Variants in PAM observed in about 807,000 individuals in gnomAD.
The protein encoded by PAM is peptidylglycine alpha-amidating monooxygenase.
PAM carries 72 observed loss-of-function variants against 122.1 expected under a neutral mutation model. The observed-to-expected ratio is 0.59, with a 90% CI of 0.49 to 0.72. The LOEUF is 0.72. Among genes scored for constraint, PAM ranks in the 30% least tolerant of loss-of-function variants. The probability of loss-of-function intolerance (pLI) is 0.00; values close to 1 mark genes in which losing one functional copy is unlikely to be tolerated. For synonymous variants in PAM, 389 were observed against 404.4 expected, an observed-to-expected ratio of 0.96 and a Z score of 0.46; for missense variants, 1,106 against 1,183.7, an observed-to-expected ratio of 0.93 and a Z score of 0.96.
chr5:102,789,433 A>G (rs1372890487), intron 1 of PAM, among the ~76,000 whole-genome samples: 1 of 152,176 alleles, frequency 6.6e-6, no homozygotes, highest in Admixed American at 6.5e-5. Context: ...TGGAATATGC[A>G]TATGATGTAA....
rs1389735498 is a variant in PAM at position 102,780,755 on chromosome 5, CTT to C, written c.-374+25409_-374+25410del. ...CCTCAGCACCTTTTTCTTTCTTTCT[CTT>C]TCTTTCTTTCTTTCTTTCTTTCTTT... On this transcript the variant is annotated intron_variant, in intron 1 of 25. Transcript: ENST00000438793. Among the ~76,000 whole-genome samples the C allele has an allele frequency of 1.2e-3, 20 of 16,328 alleles. 1 individual carries two copies. The highest frequency in any genetic ancestry group is 2.8e-3 in the African/African-American group (12 of 4,282). The allele number at this position is 16,328 out of a possible 152,430, so 10.7% of individuals were successfully genotyped here.
intron 1 of PAM, among the ~76,000 whole-genome samples, chr5:102,776,591 G>A (rs1272424690): frequency 2.0e-5 from 3 of 151,994 alleles, no homozygotes; most frequent in African/African-American, 7.2e-5. Context: ...ATTAAATAGG[G>A]AACACTTTCC....
chr5:102,883,260 A>G (rs1791889882), intron 3 of PAM, among the ~76,000 whole-genome samples: 1 of 151,726 alleles, frequency 6.6e-6, no homozygotes, highest in Admixed American at 6.6e-5. Flanking sequence ...GTGAGCAATG[A>G]TAGTGGTATT....
chr5:102,850,977 T>A (rs7704891), intron 1 of PAM, among the ~76,000 whole-genome samples: 1 of 152,090 alleles, frequency 6.6e-6, no homozygotes, highest in African/African-American at 2.4e-5. Flanking sequence ...ATTGGTAGGT[T>A]CTATTTTGGG....
intron 16 of PAM, among the ~76,000 whole-genome samples, chr5:102,991,129 A>G (rs899919587): frequency 1.3e-5 from 2 of 152,172 alleles, no homozygotes. Context: ...GTAGAAACCA[A>G]GAGAAGTTAA....
chr5:102,798,171 T>C (rs1241053767), intron 1 of PAM, among the ~76,000 whole-genome samples: 1 of 152,176 alleles, frequency 6.6e-6, no homozygotes, highest in African/African-American at 2.4e-5. Flanking sequence ...CACTCAAATT[T>C]GAACTCAGTG....
At chr5:102,803,154 GAA>G in intron 1 of PAM, among the ~76,000 whole-genome samples, 1 of 1,236 alleles carries the variant, frequency 8.1e-4, no homozygotes, top group Non-Finnish European at 2.8e-3. Flanking sequence ...AGAAAGGAAG[GAA>G]GGAAGGAAGG....
chr5:102,884,061 A>G (rs1561756702), intron 3 of PAM, among the ~76,000 whole-genome samples: 1 of 151,840 alleles, frequency 6.6e-6, no homozygotes, highest in African/African-American at 2.4e-5. Context: ...AAAAATCCCA[A>G]TATACATGTG....
chr5:102,970,958 C>A (rs183958855), intron 14 of PAM, among the ~76,000 whole-genome samples: 1 of 152,080 alleles, frequency 6.6e-6, no homozygotes, highest in African/African-American at 2.4e-5. Context: ...AGGTGCCCAC[C>A]ACCACACCTG....
intron 15 of PAM, among the ~76,000 whole-genome samples, chr5:102,983,836 A>G (rs906655258): frequency 3.9e-5 from 6 of 152,220 alleles, no homozygotes; most frequent in Middle Eastern, 3.2e-3. Flanking sequence ...ACTAACAGCA[A>G]CTTTCTCAGC....
chr5:102,793,956 T>A (rs1157060184), intron 1 of PAM, among the ~76,000 whole-genome samples: 3 of 152,210 alleles, frequency 2.0e-5, no homozygotes, highest in Non-Finnish European at 2.9e-5. Flanking sequence ...TTTTTCTTTT[T>A]AAAAAATGTA....
Position 102,799,743 on chromosome 5 carries a change from A to T in PAM, c.-374+44395A>T, listed in dbSNP as rs545633409. 3.3e-5 allele frequency among the ~76,000 whole-genome samples: 5 copies of T among 152,312 alleles called. No individual in the cohort carries two copies. The South Asian group carries it at 8.3e-4, about 25-fold the overall frequency. On this transcript the variant is annotated intron_variant, in intron 1 of 25. Transcript: ENST00000438793. Reference sequence around the variant, plus strand: ...GGCCTCAGACTCCGTCTCAACACACAACACCAGGAAGTCCCTACTATTTCA... The same window carrying T: ...GGCCTCAGACTCCGTCTCAACACACTACACCAGGAAGTCCCTACTATTTCA...
At chr5:102,992,279 T>C (rs1269876373) in intron 16 of PAM, among the ~76,000 whole-genome samples, 1 of 152,172 alleles carries the variant, frequency 6.6e-6, no homozygotes, top group Non-Finnish European at 1.5e-5. Context: ...CAGAGGAAAC[T>C]GCTGATTTTA....
At chr5:102,805,165 G>T (rs530351547) in intron 1 of PAM, among the ~76,000 whole-genome samples, 30 of 150,866 alleles carry the variant, frequency 2.0e-4, no homozygotes, top group Non-Finnish European at 4.1e-4. Flanking sequence ...CCGCCTCCTG[G>T]GTTCAAGCAG....
intron 1 of PAM, among the ~76,000 whole-genome samples, chr5:102,820,990 C>T (rs1379477213): frequency 6.6e-6 from 1 of 152,166 alleles, no homozygotes; most frequent in Admixed American, 6.5e-5. Context: ...AATCACTTCA[C>T]AGTTGGAGTG....
At chr5:102,888,665 A>G (rs2151238247) in intron 3 of PAM, among the ~76,000 whole-genome samples, 1 of 152,018 alleles carries the variant, frequency 6.6e-6, no homozygotes, top group South Asian at 2.1e-4. Context: ...CTGTATTTTC[A>G]GGTCCCCCAA....
chr5:102,999,960 C>T (rs1025594461), intron 16 of PAM, among the ~76,000 whole-genome samples: 3 of 152,184 alleles, frequency 2.0e-5, no homozygotes, highest in African/African-American at 4.8e-5. Flanking sequence ...TTTGGCTCCT[C>T]GTTACTTATG....
chr5:103,001,253 A>G (rs1437684268), intron 16 of PAM, among the ~76,000 whole-genome samples: 1 of 152,142 alleles, frequency 6.6e-6, no homozygotes, highest in Non-Finnish European at 1.5e-5. Context: ...TTGAAAATAA[A>G]CTTTCAGATA....
chr5:102,861,592 T>C (rs146833222), intron 1 of PAM, among the ~76,000 whole-genome samples: 1 of 152,270 alleles, frequency 6.6e-6, no homozygotes, highest in African/African-American at 2.4e-5. Context: ...ATTTTACTAA[T>C]AAAAGACATT....
Sources: gnomAD v4.1 joint callset for allele counts (sites outside exome capture counted in the v4.1 genomes callset) on GRCh38, gnomAD v4.1.1 for gene constraint, MANE v1.5 for transcripts, NCBI Gene and HGNC (gene_info 2026-07-23, HGNC 2026-07-21) for gene names.